The following MARCO variants were observed in gnomAD, a reference collection of about 807,000 sequenced individuals.
The protein encoded by MARCO is macrophage receptor with collagenous structure, also known as macrophage receptor MARCO.
A neutral mutation model predicts 70.0 loss-of-function variants in MARCO; 72 were observed. That is an observed-to-expected ratio of 1.03 (90% confidence interval 0.85 to 1.25). MARCO has a LOEUF of 1.25. MARCO is among the 50% of genes most tolerant of loss of function. The pLI is 0.00. For synonymous variants in MARCO, 273 were observed against 243.1 expected (o/e 1.12, Z -1.14); for missense variants, 696 against 659.3 (o/e 1.06, Z -0.61).
intron 12 of MARCO, among the ~76,000 whole-genome samples, chr2:118,984,129 T>C (rs951487466): frequency 2.6e-5 from 4 of 152,190 alleles, no homozygotes; most frequent in Admixed American, 2.6e-4. Flanking sequence ...ATCTTATTAG[T>C]ACAGTCTATC....
At chr2:118,953,458 T>C (rs951156882) in intron 1 of MARCO, among the ~76,000 whole-genome samples, 4 of 152,242 alleles carry the variant, frequency 2.6e-5, no homozygotes, top group African/African-American at 9.6e-5. Flanking sequence ...ATTGTTAGTA[T>C]ATAGAAATGT....
Position 118,970,301 on chromosome 2 carries a change from C to T in MARCO, c.387C>T (p.His129=). 1 of 1,613,948 alleles carries T rather than the reference C, an allele frequency of 6.2e-7. No homozygotes were observed. The highest frequency in any genetic ancestry group is 8.5e-7 in the Non-Finnish European group (1 of 1,179,970). The change falls in exon 3 of 17, where the codon CAC becomes CAT. Residue 129 remains histidine, a synonymous_variant. Transcript: ENST00000327097. ...CCTGGGTCCGCGTCAGCCATGAGCA[C>T]TTGCTGCAGCGGGTAGACAACTTCA... ...QLTWVRVSHE[H]LLQRVDNFTQ... is the part of the protein sequence containing the mutation.
chr2:118,975,320 C>T (rs1265271499), intron 6 of MARCO, among the ~76,000 whole-genome samples: 1 of 152,122 alleles, frequency 6.6e-6, no homozygotes, highest in Non-Finnish European at 1.5e-5. Context: ...GATGCGAAGA[C>T]ATTAAGACCT....
chr2:118,969,968 G>A (rs964883504), intron 2 of MARCO, 146 bp from the exon 3 acceptor site: 7 of 671,670 alleles, frequency 1.0e-5, no homozygotes, highest in African/African-American at 3.6e-5. Flanking sequence ...AGAAAAGGCC[G>A]TGTGCTCACG....
Position 118,962,612 on chromosome 2 carries a change from G to A in MARCO, c.98-6548G>A, listed in dbSNP as rs78354575. Reference sequence around the variant, plus strand: ...TGGACTATCTTTGATTTTCATATTAGGATCATTCTGATCTCATAAAATGAA... The same window carrying A: ...TGGACTATCTTTGATTTTCATATTAAGATCATTCTGATCTCATAAAATGAA... On this transcript the variant is annotated intron_variant, in intron 1 of 16. Coordinates refer to ENST00000327097, the MANE Select transcript of MARCO (RefSeq NM_006770.4). Among the ~76,000 whole-genome samples, 941 of 151,830 alleles carry A rather than the reference G, an allele frequency of 6.2e-3. 14 individuals carry two copies. The highest frequency in any genetic ancestry group is 0.021 in the African/African-American group (884 of 41,430).
chr2:118,953,376 A>T (rs929621924), intron 1 of MARCO, among the ~76,000 whole-genome samples: 4 of 152,240 alleles, frequency 2.6e-5, no homozygotes, highest in Admixed American at 6.5e-5. Flanking sequence ...AAAACTTTGA[A>T]GAGGAAACTT....
chr2:118,993,504 T>G (rs1680663808), intron 16 of MARCO, among the ~76,000 whole-genome samples: 1 of 152,178 alleles, frequency 6.6e-6, no homozygotes, highest in South Asian at 2.1e-4. Flanking sequence ...GCCTGTCTTC[T>G]CCAGCGCTGA....
intron 9 of MARCO, 34 bp downstream of exon 9, chr2:118,981,541 T>C: frequency 1.3e-6 from 2 of 1,579,846 alleles, no homozygotes; most frequent in South Asian, 1.1e-5. Flanking sequence ...CACTGACCTC[T>C]AGGTATTTCC....
At chr2:118,968,552 A>G (rs1450720337) in intron 1 of MARCO, among the ~76,000 whole-genome samples, 1 of 152,156 alleles carries the variant, frequency 6.6e-6, no homozygotes, top group East Asian at 1.9e-4. Context: ...GCTAATAGAG[A>G]TTATCTCATC....
In MARCO at chr2:118,982,562, G is replaced by T. The variant is rs965123179; in HGVS notation, c.1063+152G>T. 8 of 736,720 alleles carry T rather than the reference G, an allele frequency of 1.1e-5. No homozygotes were observed. In the African/African-American group the frequency reaches 1.2e-4, roughly 11 times the overall value. 45.6% of individuals were successfully genotyped at this position (736,720 alleles called of 1,614,324 possible). A position where few individuals can be genotyped will look rare whatever the true frequency, so the allele number is the denominator to read the frequency against. On this transcript the variant is annotated intron_variant, in intron 12 of 16. Transcript: ENST00000327097. The stretch of plus-strand genomic sequence containing the variant: ...CCTGGTTATGGGGGCAGTTGCCCCT[G>T]CCAGGACCCCTTAAGCCCAAGGGCC...
At chr2:118,985,930 T>C (rs1399074008) in intron 12 of MARCO, among the ~76,000 whole-genome samples, 2 of 152,174 alleles carry the variant, frequency 1.3e-5, no homozygotes, top group Admixed American at 1.3e-4. Flanking sequence ...TGCAAATAAC[T>C]CAAAATCCAT....
intron 8 of MARCO, among the ~76,000 whole-genome samples, chr2:118,980,649 C>T (rs760893387): frequency 2.0e-5 from 3 of 152,160 alleles, no homozygotes; most frequent in Non-Finnish European, 4.4e-5. Flanking sequence ...TAGACCTTTG[C>T]CCCACTCTAC....
Position 118,951,233 on chromosome 2 carries a change from G to A in MARCO, c.97+8836G>A, listed in dbSNP as rs531424372. 3.9e-5 allele frequency among the ~76,000 whole-genome samples: 6 copies of A among 152,330 alleles called. No homozygotes were observed. In the South Asian group the frequency reaches 1.0e-3, roughly 26 times the overall value. On this transcript the variant is annotated intron_variant, in intron 1 of 16. Coordinates refer to ENST00000327097, the MANE Select transcript of MARCO (RefSeq NM_006770.4). ...ATCATCCTGTCACCAAGGAGGAACC[G>A]TCAATCATCCTGTCCTGAAGGGAGT...
chr2:118,985,377 C>A (rs1680465838), intron 12 of MARCO, among the ~76,000 whole-genome samples: 1 of 152,156 alleles, frequency 6.6e-6, no homozygotes, highest in Non-Finnish European at 1.5e-5. Flanking sequence ...GCCTTTCTAC[C>A]TCCTCCACAG....
chr2:118,963,869 C>T (rs566234582), intron 1 of MARCO, among the ~76,000 whole-genome samples: 2 of 152,246 alleles, frequency 1.3e-5, no homozygotes, highest in South Asian at 2.1e-4. Context: ...ATTGATATGT[C>T]AGTGCTTAAA....
intron 12 of MARCO, among the ~76,000 whole-genome samples, chr2:118,990,209 T>C (rs1680594331): frequency 1.3e-5 from 2 of 152,220 alleles, no homozygotes; most frequent in Admixed American, 1.3e-4. Flanking sequence ...CCACAGTCTT[T>C]TAGCAATAAA....
chr2:118,974,230 C>A, intron 4 of MARCO, 103 bp from the exon 5 acceptor site: 1 of 752,210 alleles, frequency 1.3e-6, no homozygotes, highest in Non-Finnish European at 2.3e-6. Flanking sequence ...CATCCCCATG[C>A]TCAGTGAACG....
At chr2:118,986,320 C>T (rs544039473) in intron 12 of MARCO, among the ~76,000 whole-genome samples, 6 of 150,970 alleles carry the variant, frequency 4.0e-5, no homozygotes, top group East Asian at 2.0e-4. Flanking sequence ...TTTCCCCAGA[C>T]GGGGCAAGAC....
chr2:118,982,332 G>A lies in MARCO; in HGVS notation c.1001-16G>A, dbSNP rs771489689. Reference sequence around the variant, plus strand: ...CTAGTCCAGCCCTTATGCTCTCTGTGGTGTCTGTTGTCCAGGACTTCCAGG... The same window carrying A: ...CTAGTCCAGCCCTTATGCTCTCTGTAGTGTCTGTTGTCCAGGACTTCCAGG... On this transcript the variant is annotated splice_polypyrimidine_tract_variant and intron_variant, in intron 11 of 16. Coordinates refer to ENST00000327097, the MANE Select transcript of MARCO (RefSeq NM_006770.4). The A allele has an allele frequency of 3.1e-6, 5 of 1,613,624 alleles. No homozygotes were observed. In the African/African-American group the frequency reaches 6.7e-5, roughly 22 times the overall value.
Sources: allele counts gnomAD v4.1 joint callset (sites outside exome capture counted in the v4.1 genomes callset), GRCh38; gene constraint gnomAD v4.1.1; transcripts MANE v1.5; gene names NCBI Gene and HGNC (gene_info 2026-07-23, HGNC 2026-07-21).